NUP93: variants seen among roughly 807,000 people sequenced by gnomAD.
NUP93 encodes the protein nucleoporin 93.
A neutral mutation model predicts 107.8 loss-of-function variants in NUP93; 55 were observed. The ratio of observed to expected loss-of-function variants is 0.51; its 90% CI spans 0.41 to 0.64. NUP93 has a LOEUF of 0.64. NUP93 is among the 30% of genes least tolerant of loss of function. The pLI is 0.00. For missense variants in NUP93, 937 were observed against 1,044.7 expected, an observed-to-expected ratio of 0.90 and a Z score of 1.42; for synonymous variants, 390 against 397.5, an observed-to-expected ratio of 0.98 and a Z score of 0.22.
intron 3 of NUP93, among the ~76,000 whole-genome samples, chr16:56,762,592 T>C (rs1315115859): frequency 1.3e-5 from 2 of 152,212 alleles, no homozygotes; most frequent in East Asian, 3.8e-4. Context: ...AAAAATATTT[T>C]TAATGGCATT....
At chr16:56,821,284 G>T (rs1392701863) in intron 6 of NUP93, among the ~76,000 whole-genome samples, 1 of 152,110 alleles carries the variant, frequency 6.6e-6, no homozygotes, top group Non-Finnish European at 1.5e-5. Context: ...GGACCCCGCT[G>T]CTCCCGTTCC....
chr16:56,804,313 CCAT>C (rs1963085706), intron 4 of NUP93, among the ~76,000 whole-genome samples: 2 of 152,234 alleles, frequency 1.3e-5, no homozygotes, highest in Non-Finnish European at 2.9e-5. Context: ...ACCCAGGTGT[CCAT>C]CAGTGAATGA....
rs1422869928 is a variant in NUP93, at chr16:56,782,362, TAGA to T, written c.298-16108_298-16106del. The stretch of plus-strand genomic sequence containing the variant: ...ATTTGGAAGCAGTTAACTCATTTGA[TAGA>T]AGAAGTACTTGATTCTTCTGAGAAT... On this transcript the variant is annotated intron_variant, in intron 3 of 21. Coordinates refer to ENST00000308159, the MANE Select transcript of NUP93 (RefSeq NM_014669.5). 6.8e-5 allele frequency: 14 copies of T among 206,416 alleles called. 1 individual carries two copies. In the South Asian group the frequency reaches 1.2e-3, roughly 17 times the overall value. The allele number at this position is 206,416 out of a possible 1,614,324, so 12.8% of individuals were successfully genotyped here. A position where few individuals can be genotyped will look rare whatever the true frequency, so the allele number is the denominator to read the frequency against.
At chr16:56,731,632 T>C (rs1407135605) in intron 1 of NUP93, among the ~76,000 whole-genome samples, 1 of 152,160 alleles carries the variant, frequency 6.6e-6, no homozygotes, top group Non-Finnish European at 1.5e-5. Context: ...GGTCTTGAAC[T>C]CCTGGCCTCA....
chr16:56,780,070 C>T (rs1962486005), intron 3 of NUP93, among the ~76,000 whole-genome samples: 1 of 152,142 alleles, frequency 6.6e-6, no homozygotes, highest in Non-Finnish European at 1.5e-5. Flanking sequence ...GTCTTTTGTT[C>T]AGTAATTGGA....
At position 56,834,389 on chromosome 16, in the gene NUP93, G is replaced by A. The variant is rs1308436485; in HGVS notation, c.1684G>A (p.Gly562Arg). The A allele has an allele frequency of 4.3e-6, 7 of 1,614,212 alleles. No individual in the cohort carries two copies. Among genetic ancestry groups the A allele is most frequent in the Non-Finnish European group, 5.1e-6 (6 of 1,180,040 alleles). The part of the protein sequence containing the change: ...YFLRDEKDSQ[G>R]ENMFLRCVSE... ...TTACAGGGATGAGAAAGATAGTCAA[G>A]GAGAAAACATGTTTCTGCGCTGTGT... The change falls in exon 15 of 22, where the codon GGA becomes AGA. Residue 562 changes from glycine to arginine, a missense_variant. Gly to Arg is a moderately radical substitution (Grantham distance 125). Coordinates refer to ENST00000308159, the MANE Select transcript of NUP93 (RefSeq NM_014669.5).
intron 1 of NUP93, among the ~76,000 whole-genome samples, chr16:56,737,434 G>T (rs1223430711): frequency 6.6e-6 from 1 of 152,100 alleles, no homozygotes; most frequent in Non-Finnish European, 1.5e-5. Flanking sequence ...ATCACATTGT[G>T]GGGTAGGGCT....
In NUP93 at chr16:56,748,391, A is replaced by C; in HGVS notation, c.144A>C (p.Leu48=). The stretch of plus-strand genomic sequence containing the variant: ...GAGAGCGCCTGCGTTCCCGTACCCT[A>C]ACACGCACGTCCCAGGAGACGGCAG... ...QAGERLRSRT[L]TRTSQETADV... Residue 48 remains leucine (L), a synonymous_variant, in exon 2 of 22, where the codon CTA becomes CTC. Transcript: ENST00000308159. 6.2e-7 allele frequency: 1 copy of C among 1,613,910 alleles called. No homozygotes were observed. The highest frequency in any genetic ancestry group is 8.5e-7 in the Non-Finnish European group (1 of 1,179,954).
intron 3 of NUP93, chr16:56,781,717 G>T: frequency 2.1e-6 from 1 of 487,008 alleles, no homozygotes; most frequent in Non-Finnish European, 2.7e-6. Flanking sequence ...GGTTTGGGTT[G>T]GGGAAAAAAA....
intron 3 of NUP93, among the ~76,000 whole-genome samples, chr16:56,794,151 T>C (rs1473679235): frequency 6.6e-6 from 1 of 152,196 alleles, no homozygotes; most frequent in East Asian, 1.9e-4. Flanking sequence ...TTTTTAAAAA[T>C]ATTTTGAAAA....
At chr16:56,810,078 G>A (rs772813845) in intron 5 of NUP93, among the ~76,000 whole-genome samples, 7 of 152,064 alleles carry the variant, frequency 4.6e-5, no homozygotes, top group African/African-American at 1.7e-4. Context: ...TGCTCTTCTC[G>A]TAAAAATAGA....
intron 2 of NUP93, among the ~76,000 whole-genome samples, chr16:56,753,109 A>C (rs1236463915): frequency 6.6e-6 from 1 of 152,238 alleles, no homozygotes; most frequent in Non-Finnish European, 1.5e-5. Flanking sequence ...CCTTTGGAGA[A>C]TACTAGAGAA....
At chr16:56,735,941 T>G (rs2144430384) in intron 1 of NUP93, among the ~76,000 whole-genome samples, 1 of 152,042 alleles carries the variant, frequency 6.6e-6, no homozygotes, top group East Asian at 1.9e-4. Context: ...GGACTTAGAC[T>G]TAAAGGAATG....
intron 3 of NUP93, among the ~76,000 whole-genome samples, chr16:56,779,452 T>G (rs1450386395): frequency 6.6e-6 from 1 of 152,210 alleles, no homozygotes; most frequent in African/African-American, 2.4e-5. Context: ...AATACAAAAT[T>G]AAACAATGGA....
chr16:56,817,546 A>T (rs1238217610), intron 5 of NUP93, among the ~76,000 whole-genome samples: 1 of 152,236 alleles, frequency 6.6e-6, no homozygotes, highest in Non-Finnish European at 1.5e-5. Flanking sequence ...CTGCTATGCT[A>T]CAGTACAAAC....
chr16:56,827,697 C>T (rs1313355356), intron 8 of NUP93, among the ~76,000 whole-genome samples: 1 of 152,214 alleles, frequency 6.6e-6, no homozygotes, highest in Non-Finnish European at 1.5e-5. Context: ...GACAGCTGGA[C>T]TGGACTCTAT....
intron 1 of NUP93, among the ~76,000 whole-genome samples, chr16:56,733,078 T>C (rs1228999135): frequency 5.9e-5 from 9 of 152,096 alleles, no homozygotes; most frequent in Non-Finnish European, 1.3e-4. Flanking sequence ...GGATGTGTTA[T>C]AGAGAGTGTG....
rs112491371 is a variant in NUP93 at position 56,796,067 on chromosome 16, T to C, written c.298-2409T>C. 4.1e-3 allele frequency among the ~76,000 whole-genome samples: 628 copies of C among 152,280 alleles called. 5 individuals carry two copies. Among genetic ancestry groups the C allele is most frequent in the African/African-American group, 0.015 (606 of 41,546 alleles). ...TGTTGGGGAGACATAGGCCAATACG[T>C]AAGGAATCTGGGAAATCTATAATTA... On this transcript the variant is annotated intron_variant, in intron 3 of 21. Coordinates refer to ENST00000308159, the MANE Select transcript of NUP93 (RefSeq NM_014669.5).
chr16:56,820,908 A>G (rs1275448013), intron 6 of NUP93, among the ~76,000 whole-genome samples: 3 of 152,196 alleles, frequency 2.0e-5, no homozygotes, highest in Non-Finnish European at 2.9e-5. Context: ...GATTTCTACT[A>G]TCATCATTTT....
Sources: allele counts gnomAD v4.1 joint callset (sites outside exome capture counted in the v4.1 genomes callset), GRCh38; gene constraint gnomAD v4.1.1; transcripts MANE v1.5; gene names NCBI Gene and HGNC (gene_info 2026-07-23, HGNC 2026-07-21).